Variants in BAZ2B observed in about 807,000 individuals in gnomAD.
BAZ2B encodes the protein bromodomain adjacent to zinc finger domain 2B.
Under a neutral mutation model 246.0 loss-of-function variants are expected in BAZ2B, and 91 were observed. The observed-to-expected ratio is 0.37, with a 90% CI of 0.31 to 0.44. The LOEUF (loss-of-function observed/expected upper bound fraction) is 0.44, where lower values mean the gene tolerates loss of function less well. BAZ2B is among the 20% of genes least tolerant of loss of function. BAZ2B has a pLI of 1.00. For synonymous variants in BAZ2B, 855 were observed against 860.0 expected (o/e 0.99, Z 0.10); for missense variants, 2,332 against 2,533.7 (o/e 0.92, Z 1.71).
chr2:159,486,715 G>GTTTTGA (rs1266400514), intron 2 of BAZ2B, among the ~76,000 whole-genome samples: 14 of 150,210 alleles, frequency 9.3e-5, no homozygotes, highest in African/African-American at 3.2e-4. Context: ...CAAACACATT[G>GTTTTGA]GTAAATGTAT....
intron 1 of BAZ2B, among the ~76,000 whole-genome samples, chr2:159,559,696 A>G (rs2089624232): frequency 6.6e-6 from 1 of 152,224 alleles, no homozygotes; most frequent in Admixed American, 6.5e-5. Context: ...AATATGTGAA[A>G]TTAAAATGAC....
the BAZ2B span, among the ~76,000 whole-genome samples, chr2:159,671,687 T>C: frequency 1.3e-5 from 2 of 152,206 alleles, no homozygotes; most frequent in Non-Finnish European, 2.9e-5. Flanking sequence ...ATAGTTTATG[T>C]ATTCTTAGTA....
chr2:159,503,312 C>T (rs1400084508), intron 2 of BAZ2B, among the ~76,000 whole-genome samples: 1 of 152,050 alleles, frequency 6.6e-6, no homozygotes, highest in Non-Finnish European at 1.5e-5. Context: ...TCTTGCCATT[C>T]CCAAATACAC....
At chr2:159,411,392 G>A (rs1021523983) in intron 14 of BAZ2B, among the ~76,000 whole-genome samples, 3 of 152,162 alleles carry the variant, frequency 2.0e-5, no homozygotes, top group African/African-American at 7.2e-5. Flanking sequence ...TCTATATTAT[G>A]ATGGTGTTTA....
At chr2:159,640,570 C>G in the BAZ2B span, among the ~76,000 whole-genome samples, 4 of 151,840 alleles carry the variant, frequency 2.6e-5, no homozygotes, top group Non-Finnish European at 5.9e-5. Context: ...TATGCAAACA[C>G]ATGAAAATTA....
chr2:159,543,061 C>T (rs1317230261), intron 2 of BAZ2B, among the ~76,000 whole-genome samples: 1 of 152,148 alleles, frequency 6.6e-6, no homozygotes, highest in Non-Finnish European at 1.5e-5. Context: ...CTCCCCCTCA[C>T]AAAGTTGTTC....
chr2:159,620,047 A>G (rs991404021), upstream of BAZ2B, among the ~76,000 whole-genome samples: 3 of 152,208 alleles, frequency 2.0e-5, no homozygotes, highest in Admixed American at 6.5e-5. Flanking sequence ...TGCCACCAAT[A>G]TGGACTAAAT....
intron 2 of BAZ2B, among the ~76,000 whole-genome samples, chr2:159,489,908 CT>C (rs1419496713): frequency 6.6e-6 from 1 of 151,996 alleles, no homozygotes; most frequent in Non-Finnish European, 1.5e-5. Context: ...GAGACCCTGT[CT>C]CAAAAAAGTT....
intron 2 of BAZ2B, among the ~76,000 whole-genome samples, chr2:159,506,782 C>A (rs2082373547): frequency 6.6e-6 from 1 of 152,122 alleles, no homozygotes; most frequent in African/African-American, 2.4e-5. Context: ...TTTGGGATCA[C>A]AAACAAATAA....
At chr2:159,376,892 GCAA>G (rs1395825016) in intron 25 of BAZ2B, among the ~76,000 whole-genome samples, 4 of 152,078 alleles carry the variant, frequency 2.6e-5, no homozygotes, top group African/African-American at 7.2e-5. Context: ...GGTAGTAGCA[GCAA>G]CAACAACTAA....
intron 13 of BAZ2B, among the ~76,000 whole-genome samples, chr2:159,424,554 A>T (rs1202459685): frequency 6.6e-6 from 1 of 152,226 alleles, no homozygotes; most frequent in Admixed American, 6.5e-5. Context: ...TAAAATTAGA[A>T]CATATAGAAC....
Position 159,350,040 on chromosome 2 carries a change from C to T in BAZ2B, c.4531G>A (p.Val1511Ile), listed in dbSNP as rs184692048. 351 of 1,614,134 alleles carry T rather than the reference C, an allele frequency of 2.2e-4. No homozygotes were observed. Among genetic ancestry groups the T allele is most frequent in the Non-Finnish European group, 2.6e-4 (312 of 1,180,006 alleles). ...QNSGKHSLGS[V>I]QSTATQSNVE... ...TTGCTTTGCGTTGCTGTTGACTGAA[C>T]GCTGCCCAGTGAATGTTTTCCACTG... The change falls in exon 28 of 37, where the codon GTT becomes ATT. Residue 1511 changes from valine (V) to isoleucine (I), a missense_variant. By Grantham distance (29) the Val-to-Ile change is conservative (BLOSUM62 3). This residue lies in a region of BAZ2B where 676 missense variants were observed against 668.6 expected (regional missense o/e 1.01). Coordinates refer to ENST00000392783, the MANE Select transcript of BAZ2B (RefSeq NM_013450.4).
downstream of BAZ2B, among the ~76,000 whole-genome samples, chr2:159,318,225 C>A (rs1038022737): frequency 6.6e-6 from 1 of 152,134 alleles, no homozygotes; most frequent in Non-Finnish European, 1.5e-5. Flanking sequence ...AACACAAAAA[C>A]CAGACACTTT....
At chr2:159,495,679 T>C (rs1577761896) in intron 2 of BAZ2B, among the ~76,000 whole-genome samples, 1 of 152,056 alleles carries the variant, frequency 6.6e-6, no homozygotes, top group South Asian at 2.1e-4. Flanking sequence ...TAAATTTTAG[T>C]ATCTACAAAG....
intron 8 of BAZ2B, among the ~76,000 whole-genome samples, chr2:159,435,890 ATTG>A (rs1328147974): frequency 2.6e-5 from 4 of 152,228 alleles, no homozygotes; most frequent in African/African-American, 9.6e-5. Context: ...AGTTTAGAAA[ATTG>A]TTAAGATAAT....
chr2:159,470,595 C>T (rs935441359), intron 3 of BAZ2B, among the ~76,000 whole-genome samples: 12 of 152,226 alleles, frequency 7.9e-5, no homozygotes, highest in African/African-American at 2.4e-4. Context: ...ATGATATAGA[C>T]GAGAGATTTT....
At chr2:159,684,871 CA>C in the BAZ2B span, among the ~76,000 whole-genome samples, 33 of 152,082 alleles carry the variant, frequency 2.2e-4, no homozygotes, top group Non-Finnish European at 4.0e-4. Flanking sequence ...TATCATAGAT[CA>C]AAAAGGTATT....
At chr2:159,527,773 G>GA (rs952386991) in intron 2 of BAZ2B, among the ~76,000 whole-genome samples, 13 of 152,100 alleles carry the variant, frequency 8.5e-5, no homozygotes, top group African/African-American at 2.7e-4. Context: ...ACACACAGGA[G>GA]AAAAAACACA....
the BAZ2B span, among the ~76,000 whole-genome samples, chr2:159,680,080 T>C: frequency 6.6e-6 from 1 of 152,218 alleles, no homozygotes; most frequent in Non-Finnish European, 1.5e-5. Flanking sequence ...AGGCTTATTA[T>C]GTTAATAATG....
Sources: allele counts gnomAD v4.1 joint callset (sites outside exome capture counted in the v4.1 genomes callset), GRCh38; gene constraint gnomAD v4.1.1; regional missense constraint gnomAD v4.1.1; transcripts MANE v1.5; gene names NCBI Gene and HGNC (gene_info 2026-07-23, HGNC 2026-07-21).